The following NELL1 variants were observed in gnomAD, a reference collection of about 807,000 sequenced individuals.
The protein encoded by NELL1 is neural EGFL like 1, also known as protein kinase C-binding protein NELL1.
In NELL1, 76 loss-of-function variants were observed where a neutral mutation model predicts 107.4. The ratio of observed to expected loss-of-function variants is 0.71; its 90% CI spans 0.59 to 0.86. The LOEUF is 0.86. Ranked by LOEUF, NELL1 falls within the 40% of genes least tolerant of loss-of-function variation. The pLI is 0.00. For synonymous variants in NELL1, 353 were observed against 341.2 expected (o/e 1.03, Z -0.38); for missense variants, 1,024 against 1,005.5 (o/e 1.02, Z -0.25).
At chr11:20,887,235 A>G (rs913487039) in intron 5 of NELL1, among the ~76,000 whole-genome samples, 5 of 152,156 alleles carry the variant, frequency 3.3e-5, no homozygotes, top group African/African-American at 4.8e-5. Flanking sequence ...TTGTTTGTCC[A>G]TTCTTCAGTT....
chr11:21,033,397 C>T (rs1464227636), intron 12 of NELL1, among the ~76,000 whole-genome samples: 1 of 152,144 alleles, frequency 6.6e-6, no homozygotes, highest in Non-Finnish European at 1.5e-5. Context: ...CACCCTCCAC[C>T]TCCAAGTAGG....
At chr11:21,254,270 G>A (rs905987564) in intron 14 of NELL1, among the ~76,000 whole-genome samples, 4 of 151,900 alleles carry the variant, frequency 2.6e-5, no homozygotes, top group Admixed American at 6.6e-5. Flanking sequence ...AAGACTAATT[G>A]CAAGACTAAA....
At chr11:20,683,184 C>T (rs1854229903) in intron 2 of NELL1, among the ~76,000 whole-genome samples, 2 of 151,546 alleles carry the variant, frequency 1.3e-5, no homozygotes, top group African/African-American at 4.8e-5. Context: ...AGCTATAACT[C>T]TTTGTTTTGC....
intron 12 of NELL1, among the ~76,000 whole-genome samples, chr11:20,966,859 C>G (rs1590473100): frequency 1.3e-5 from 2 of 151,728 alleles, no homozygotes; most frequent in Non-Finnish European, 2.9e-5. Flanking sequence ...CCCCGACACA[C>G]ACACGATTTT....
At chr11:21,412,349 G>T (rs564697136) in intron 15 of NELL1, among the ~76,000 whole-genome samples, 32 of 152,040 alleles carry the variant, frequency 2.1e-4, no homozygotes, top group African/African-American at 6.3e-4. Flanking sequence ...TAAATAATAG[G>T]AGCTATAATT....
chr11:21,558,714 A>G (rs573622817), intron 16 of NELL1, among the ~76,000 whole-genome samples: 2 of 152,172 alleles, frequency 1.3e-5, no homozygotes, highest in South Asian at 4.1e-4. Context: ...TAACATGTCA[A>G]AGAATATATA....
Position 20,669,841 on chromosome 11 carries a change from C to T in NELL1, c.55+63C>T, listed in dbSNP as rs959782151. 9.9e-5 allele frequency: 138 copies of T among 1,396,922 alleles called. No homozygotes were observed. Among genetic ancestry groups the T allele is most frequent in the South Asian group, 3.4e-4 (29 of 86,384 alleles). The allele number at this position is 1,396,922 out of a possible 1,614,324, so 86.5% of individuals were successfully genotyped here. A position where few individuals can be genotyped will look rare whatever the true frequency, so the allele number is the denominator to read the frequency against. ...TGGGGGTGCCCACAGACCACGGCGGCGTGGGGAGACCTGGAGCCGAGCTTT... is the reference window on the plus strand; with the variant it reads ...TGGGGGTGCCCACAGACCACGGCGGTGTGGGGAGACCTGGAGCCGAGCTTT... On this transcript the variant is annotated intron_variant, in intron 1 of 19. Coordinates refer to ENST00000357134, the MANE Select transcript of NELL1 (RefSeq NM_006157.5). The surrounding 1 kb of genome is among the most constrained non-coding windows in gnomAD (Gnocchi z 4.4).
At chr11:21,449,041 T>C (rs531437518) in intron 15 of NELL1, among the ~76,000 whole-genome samples, 1 of 152,358 alleles carries the variant, frequency 6.6e-6, no homozygotes, top group East Asian at 1.9e-4. Context: ...TATATTGACA[T>C]GTGCTTTTAT....
chr11:21,373,172 A>G (rs903329245), intron 15 of NELL1, among the ~76,000 whole-genome samples: 2 of 152,072 alleles, frequency 1.3e-5, no homozygotes, highest in Admixed American at 1.3e-4. Flanking sequence ...CCAATACTCA[A>G]ATTCTATCAG....
At chr11:21,050,278 A>T (rs10430905) in intron 12 of NELL1, among the ~76,000 whole-genome samples, 1 of 151,380 alleles carries the variant, frequency 6.6e-6, no homozygotes, top group African/African-American at 2.4e-5. Context: ...CCCGCCCCCC[A>T]CTTTTTTTTA....
At chr11:21,151,132 A>C (rs936304091) in intron 13 of NELL1, among the ~76,000 whole-genome samples, 5 of 152,192 alleles carry the variant, frequency 3.3e-5, no homozygotes, top group African/African-American at 1.2e-4. Flanking sequence ...GGGTAGGGAC[A>C]CAGTGCCAAA....
intron 12 of NELL1, among the ~76,000 whole-genome samples, chr11:21,111,562 TA>T (rs1267912508): frequency 1.3e-5 from 2 of 152,048 alleles, no homozygotes; most frequent in Non-Finnish European, 2.9e-5. Context: ...ATGCAACAGG[TA>T]TATGGTGGCT....
intron 3 of NELL1, among the ~76,000 whole-genome samples, chr11:20,832,555 T>G (rs1322552167): frequency 1.3e-5 from 2 of 152,188 alleles, no homozygotes; most frequent in African/African-American, 4.8e-5. Flanking sequence ...AATACCTTAA[T>G]GAACCTCTGG....
At chr11:21,293,341 C>T (rs1017529002) in intron 14 of NELL1, among the ~76,000 whole-genome samples, 8 of 152,190 alleles carry the variant, frequency 5.3e-5, no homozygotes, top group Non-Finnish European at 1.0e-4. Context: ...AACTCATCAT[C>T]ACTGGTCATT....
At chr11:21,392,730 C>G (rs1851906052) in intron 15 of NELL1, among the ~76,000 whole-genome samples, 1 of 151,560 alleles carries the variant, frequency 6.6e-6, no homozygotes, top group South Asian at 2.1e-4. Context: ...AAAATGTCAT[C>G]CACTTTCAAA....
At chr11:20,946,294 G>C (rs142489705) in intron 10 of NELL1, among the ~76,000 whole-genome samples, 1 of 152,202 alleles carries the variant, frequency 6.6e-6, no homozygotes, top group Non-Finnish European at 1.5e-5. Context: ...GCCTCTTCTT[G>C]AGCTTGCTTC....
intron 12 of NELL1, among the ~76,000 whole-genome samples, chr11:21,092,242 A>C (rs1335005808): frequency 3.9e-5 from 6 of 152,138 alleles, no homozygotes; most frequent in Non-Finnish European, 8.8e-5. Flanking sequence ...TGGTTAGTAG[A>C]AGGACAGTGG....
intron 13 of NELL1, among the ~76,000 whole-genome samples, chr11:21,149,285 G>A (rs1856056310): frequency 6.6e-6 from 1 of 152,178 alleles, no homozygotes; most frequent in Admixed American, 6.5e-5. Flanking sequence ...TGAAGGAATG[G>A]TGTATTAGTC....
intron 15 of NELL1, among the ~76,000 whole-genome samples, chr11:21,436,238 A>G (rs1853117012): frequency 2.0e-5 from 3 of 152,220 alleles, no homozygotes; most frequent in South Asian, 4.2e-4. Context: ...TATTTTTGGT[A>G]GAGATGGGGT....
Sources: gnomAD v4.1 joint callset for allele counts (sites outside exome capture counted in the v4.1 genomes callset) on GRCh38, gnomAD v4.1.1 for gene constraint, Gnocchi (gnomAD v3.1) non-coding constraint, MANE v1.5 for transcripts, NCBI Gene and HGNC (gene_info 2026-07-23, HGNC 2026-07-21) for gene names.